The following PHF21A variants were observed in gnomAD, a reference collection of about 807,000 sequenced individuals.
The protein encoded by PHF21A is PHD finger protein 21A, also known as BHC80a.
A neutral mutation model predicts 82.5 loss-of-function variants in PHF21A; 11 were observed. The ratio of observed to expected loss-of-function variants is 0.13; its 90% CI spans 0.08 to 0.22. The LOEUF (loss-of-function observed/expected upper bound fraction) is 0.22. Among genes scored for constraint, PHF21A ranks in the 10% least tolerant of loss-of-function variants. The probability of loss-of-function intolerance (pLI) is 1.00; values close to 1 mark genes in which losing one functional copy is unlikely to be tolerated. For synonymous variants in PHF21A, 297 were observed against 302.8 expected (o/e 0.98, Z 0.20); for missense variants, 579 against 837.8 (o/e 0.69, Z 3.81).
chr11:46,085,158 C>T (rs1463959461), intron 3 of PHF21A, among the ~76,000 whole-genome samples: 1 of 152,124 alleles, frequency 6.6e-6, no homozygotes, highest in East Asian at 1.9e-4. Context: ...CAAATTAATA[C>T]TCAAAACAGA....
chr11:46,030,828 TGC>T (rs1161421319), intron 6 of PHF21A, among the ~76,000 whole-genome samples: 42 of 109,206 alleles, frequency 3.8e-4, no homozygotes, highest in African/African-American at 1.4e-3. Context: ...TGCGTGTGTG[TGC>T]GTGTGTGTGT....
chr11:45,991,370 A>T (rs374764283), intron 6 of PHF21A, among the ~76,000 whole-genome samples: 120 of 152,340 alleles, frequency 7.9e-4, no homozygotes, highest in African/African-American at 2.7e-3. Context: ...TGCCAGGTAG[A>T]ACAATGAGGC....
chr11:45,973,241 C>T (rs566456990), intron 7 of PHF21A, among the ~76,000 whole-genome samples: 2 of 152,310 alleles, frequency 1.3e-5, no homozygotes, highest in South Asian at 2.1e-4. Flanking sequence ...TGGAGATAGA[C>T]GGTATTTCCA....
In PHF21A at chr11:45,971,405, CTAAACTAAATAA is replaced by C. The variant is rs764736732; in HGVS notation, c.361-50_361-39del. ...GAAAACAGATATTAGGACACTAAAT[CTAAACTAAATAA>C]TAAACTAAATCCCACTAAACAATAT... On this transcript the variant is annotated intron_variant, in intron 7 of 18. Transcript: ENST00000676320. 8 of 1,568,488 alleles carry C rather than the reference CTAAACTAAATAA, an allele frequency of 5.1e-6. No individual in the cohort carries two copies. The South Asian group carries it at 9.2e-5, about 18-fold the overall frequency.
rs557783917 is a variant in PHF21A, at chr11:46,069,550, G to A, written c.153+7204C>T. Among the ~76,000 whole-genome samples the A allele has an allele frequency of 1.5e-3, 225 of 152,280 alleles. 2 individuals are homozygous for A. Among genetic ancestry groups the A allele is most frequent in the African/African-American group, 5.0e-3 (206 of 41,558 alleles). ...CAGGTAACCAACACAAGGACTATAGGATCTAACTTACTTATTTGACTCCAA... is the reference window on the plus strand; with the variant it reads ...CAGGTAACCAACACAAGGACTATAGAATCTAACTTACTTATTTGACTCCAA... On this transcript the variant is annotated intron_variant, in intron 6 of 18. Transcript: ENST00000676320.
intron 6 of PHF21A, among the ~76,000 whole-genome samples, chr11:46,032,099 G>A (rs2095876977): frequency 6.6e-6 from 1 of 152,154 alleles, no homozygotes; most frequent in Non-Finnish European, 1.5e-5. Flanking sequence ...CTCAAAAGGA[G>A]ACACACCAGA....
chr11:46,103,018 AG>A (rs1202884384), intron 1 of PHF21A, among the ~76,000 whole-genome samples: 1 of 152,012 alleles, frequency 6.6e-6, no homozygotes, highest in Non-Finnish European at 1.5e-5. Context: ...CAACACAGGG[AG>A]TCTGGGCAAT....
chr11:45,953,697 A>G, intron 10 of PHF21A, 72 bp from the exon 11 acceptor site: 1 of 869,532 alleles, frequency 1.2e-6, no homozygotes, highest in East Asian at 2.6e-5. Flanking sequence ...CAGAAGTTTA[A>G]TAGTAGTAGT....
chr11:46,032,020 A>C (rs1206664155), intron 6 of PHF21A, among the ~76,000 whole-genome samples: 1 of 152,196 alleles, frequency 6.6e-6, no homozygotes, highest in African/African-American at 2.4e-5. Context: ...CTGATAATTT[A>C]AAACACAGTC....
At chr11:46,050,836 G>A (rs1395362327) in intron 6 of PHF21A, among the ~76,000 whole-genome samples, 5 of 152,250 alleles carry the variant, frequency 3.3e-5, no homozygotes, top group Non-Finnish European at 7.3e-5. Flanking sequence ...CTGAGTATGT[G>A]TGCAGGACTA....
chr11:46,076,922 G>C, intron 5 of PHF21A, 103 bp from the exon 6 acceptor site: 1 of 856,820 alleles, frequency 1.2e-6, no homozygotes, highest in Non-Finnish European at 1.9e-6. Flanking sequence ...GAAGCAACCC[G>C]AAGCATTTAG....
intron 15 of PHF21A, among the ~76,000 whole-genome samples, chr11:45,942,490 T>C (rs1036782559): frequency 1.3e-5 from 2 of 152,188 alleles, no homozygotes; most frequent in Non-Finnish European, 1.5e-5. Flanking sequence ...GTTGGGACAA[T>C]CTTTGGCGCT....
At chr11:46,003,163 G>A (rs1032266330) in intron 6 of PHF21A, among the ~76,000 whole-genome samples, 5 of 151,832 alleles carry the variant, frequency 3.3e-5, no homozygotes, top group Admixed American at 6.6e-5. Flanking sequence ...TCTTTTTAAA[G>A]CTCAGATTAT....
chr11:46,045,954 G>A (rs2096249739), intron 6 of PHF21A, among the ~76,000 whole-genome samples: 2 of 152,124 alleles, frequency 1.3e-5, no homozygotes, highest in Non-Finnish European at 2.9e-5. Context: ...CTTGCTTACA[G>A]AGATAAAGTA....
chr11:46,097,816 C>T (rs1036199926), intron 1 of PHF21A, among the ~76,000 whole-genome samples: 3 of 151,988 alleles, frequency 2.0e-5, no homozygotes, highest in African/African-American at 7.2e-5. Context: ...TATGACATCT[C>T]CCTAACTAGA....
chr11:46,115,251 C>T (rs1367461772), intron 1 of PHF21A, among the ~76,000 whole-genome samples: 1 of 152,080 alleles, frequency 6.6e-6, no homozygotes, highest in Non-Finnish European at 1.5e-5. Flanking sequence ...ATGGCTGAAC[C>T]TCACATATAA....
chr11:46,089,682 A>T lies in PHF21A; in HGVS notation c.-84+773T>A, dbSNP rs545355802. Among the ~76,000 whole-genome samples the T allele has an allele frequency of 4.0e-5, 6 of 151,890 alleles. No homozygotes were observed. The East Asian group carries it at 9.7e-4, about 25-fold the overall frequency. Reference sequence around the variant, plus strand: ...GGATGTTTCTATACTATTAAATTATATTTAATAATGTTGTTTCCTATGAAA... The same window carrying T: ...GGATGTTTCTATACTATTAAATTATTTTTAATAATGTTGTTTCCTATGAAA... On this transcript the variant is annotated intron_variant, in intron 3 of 18. Transcript: ENST00000676320.
At chr11:45,937,220 T>C (rs2089284399) in intron 16 of PHF21A, among the ~76,000 whole-genome samples, 1 of 152,174 alleles carries the variant, frequency 6.6e-6, no homozygotes, top group East Asian at 1.9e-4. Flanking sequence ...TGCTGAGCTA[T>C]TGGGCTTGCT....
chr11:46,107,314 A>C (rs2097162793), intron 1 of PHF21A, among the ~76,000 whole-genome samples: 1 of 152,228 alleles, frequency 6.6e-6, no homozygotes, highest in African/African-American at 2.4e-5. Flanking sequence ...ACTTAGTCAA[A>C]TTCTTGTCTC....
Sources: allele counts gnomAD v4.1 joint callset (sites outside exome capture counted in the v4.1 genomes callset), GRCh38; gene constraint gnomAD v4.1.1; transcripts MANE v1.5; gene names NCBI Gene and HGNC (gene_info 2026-07-23, HGNC 2026-07-21).